The following ANO6 variants were observed in gnomAD, a reference collection of about 807,000 sequenced individuals.
ANO6 encodes anoctamin 6, also known as anoctamin-6.
A neutral mutation model predicts 117.5 loss-of-function variants in ANO6; 106 were observed. That is an observed-to-expected ratio of 0.90 (90% CI 0.77 to 1.06). The LOEUF is 1.06. ANO6 is among the 50% of genes least tolerant of loss of function. The pLI is 0.00. For missense variants in ANO6, 955 were observed against 1,121.1 expected (o/e 0.85, Z 2.12); for synonymous variants, 367 against 385.1 (o/e 0.95, Z 0.55).
intron 19 of ANO6, among the ~76,000 whole-genome samples, chr12:45,437,692 CCCTAGT>C (rs538072449): frequency 3.4e-4 from 52 of 152,048 alleles, no homozygotes; most frequent in Non-Finnish European, 6.6e-4. Flanking sequence ...GCCTCAGCCT[CCCTAGT>C]AGCTGGGATT....
At chr12:45,224,975 G>T (rs1198619789) in intron 1 of ANO6, among the ~76,000 whole-genome samples, 1 of 152,118 alleles carries the variant, frequency 6.6e-6, no homozygotes, top group Non-Finnish European at 1.5e-5. Context: ...AATATTGCTT[G>T]AGCGAAAGAG....
intron 1 of ANO6, among the ~76,000 whole-genome samples, chr12:45,218,788 T>A (rs1947353914): frequency 6.6e-6 from 1 of 152,210 alleles, no homozygotes; most frequent in Non-Finnish European, 1.5e-5. Context: ...CTGCCTTTAA[T>A]TTTGCAATGC....
intron 1 of ANO6, among the ~76,000 whole-genome samples, chr12:45,301,431 T>C (rs532098848): frequency 7.9e-5 from 12 of 151,408 alleles, no homozygotes; most frequent in Non-Finnish European, 1.8e-4. Flanking sequence ...CCCCTGTCTC[T>C]ACAAAAGAAA....
chr12:45,414,634 C>T, intron 16 of ANO6, among the ~76,000 whole-genome samples: 1 of 152,192 alleles, frequency 6.6e-6, no homozygotes, highest in African/African-American at 2.4e-5. Flanking sequence ...CATTATAATA[C>T]ACTCAATATC....
chr12:45,245,603 A>G (rs1056164654), intron 1 of ANO6, among the ~76,000 whole-genome samples: 3 of 151,832 alleles, frequency 2.0e-5, no homozygotes, highest in African/African-American at 7.3e-5. Flanking sequence ...TTATTTTCTG[A>G]TATTAGAATG....
chr12:45,244,324 C>T (rs919365613), intron 1 of ANO6, among the ~76,000 whole-genome samples: 1 of 149,654 alleles, frequency 6.7e-6, no homozygotes, highest in Non-Finnish European at 1.5e-5. Context: ...TTTGAGAAAC[C>T]GAACAGGTAG....
chr12:45,221,223 A>G (rs761275274), intron 1 of ANO6, among the ~76,000 whole-genome samples: 26 of 152,202 alleles, frequency 1.7e-4, no homozygotes, highest in Non-Finnish European at 3.5e-4. Context: ...ACATCTGGTG[A>G]TAAACGTATT....
At chr12:45,257,864 T>C (rs1223855719) in intron 1 of ANO6, among the ~76,000 whole-genome samples, 2 of 152,206 alleles carry the variant, frequency 1.3e-5, no homozygotes, top group African/African-American at 4.8e-5. Context: ...TATAAAAAGA[T>C]TGAAATGAAA....
At chr12:45,252,719 A>G (rs1360306208) in intron 1 of ANO6, among the ~76,000 whole-genome samples, 1 of 152,198 alleles carries the variant, frequency 6.6e-6, no homozygotes, top group African/African-American at 2.4e-5. Context: ...CTAAGGCTCA[A>G]AGTTAACAAC....
chr12:45,347,130 T>A, intron 4 of ANO6, 43 bp downstream of exon 4: 1 of 1,588,612 alleles, frequency 6.3e-7, no homozygotes, highest in East Asian at 2.2e-5. Context: ...ACCACTGTTC[T>A]CGGGCAGCTT....
In ANO6 at chr12:45,357,429, CCT is replaced by C; in HGVS notation, c.998+8_998+9del. 6.2e-7 allele frequency: 1 copy of C among 1,613,148 alleles called. No homozygotes were observed. Among genetic ancestry groups the C allele is most frequent in the Non-Finnish European group, 8.5e-7 (1 of 1,179,962 alleles). On this transcript the variant is annotated splice_donor_region_variant and intron_variant, in intron 8 of 19. Coordinates refer to ENST00000320560, the MANE Select transcript of ANO6 (RefSeq NM_001025356.3). ...TCAAGATAACTGTACATGGAGGTAA[CCT>C]CTGTTTATTCCTTGTTGCCATGCTG...
chr12:45,416,646 T>G, intron 16 of ANO6, 53 bp from the exon 17 acceptor site: 1 of 1,566,258 alleles, frequency 6.4e-7, no homozygotes. Flanking sequence ...AAGGAAAATA[T>G]GTTGTCCTTC....
At chr12:45,328,051 G>A (rs1019562008) in intron 2 of ANO6, among the ~76,000 whole-genome samples, 3 of 152,074 alleles carry the variant, frequency 2.0e-5, no homozygotes, top group Non-Finnish European at 4.4e-5. Context: ...ACCAAGGGAT[G>A]TTCTTGGAAC....
intron 1 of ANO6, among the ~76,000 whole-genome samples, chr12:45,219,168 A>G (rs1297148624): frequency 1.3e-5 from 2 of 152,134 alleles, no homozygotes; most frequent in African/African-American, 2.4e-5. Context: ...CTAATTTGCA[A>G]GAGACCTCCC....
chr12:45,394,415 C>A (rs1033267604), intron 12 of ANO6, among the ~76,000 whole-genome samples: 2 of 152,124 alleles, frequency 1.3e-5, no homozygotes, highest in African/African-American at 2.4e-5. Flanking sequence ...TTTAACACCC[C>A]ACTGTCAATA....
chr12:45,265,391 C>T (rs1233887167), intron 1 of ANO6, among the ~76,000 whole-genome samples: 1 of 152,142 alleles, frequency 6.6e-6, no homozygotes, highest in Admixed American at 6.5e-5. Flanking sequence ...GACCTATATA[C>T]CCTGGCTCCA....
chr12:45,329,777 T>C (rs1400399433), intron 2 of ANO6, among the ~76,000 whole-genome samples: 3 of 152,122 alleles, frequency 2.0e-5, no homozygotes, highest in African/African-American at 7.2e-5. Context: ...TTTTTCTCCA[T>C]GCACAATTTT....
At chr12:45,338,578 TAG>T (rs1172269891) in intron 3 of ANO6, among the ~76,000 whole-genome samples, 1 of 152,110 alleles carries the variant, frequency 6.6e-6, no homozygotes, top group African/African-American at 2.4e-5. Flanking sequence ...CTAAATATTT[TAG>T]ACTAAAGCAG....
chr12:45,425,533 G>A (rs190953603), intron 19 of ANO6, among the ~76,000 whole-genome samples: 2 of 152,350 alleles, frequency 1.3e-5, no homozygotes, highest in South Asian at 2.1e-4. Flanking sequence ...GCGAGAATGG[G>A]AGTAAGCTTT....
Sources: allele counts gnomAD v4.1 joint callset (sites outside exome capture counted in the v4.1 genomes callset), GRCh38; gene constraint gnomAD v4.1.1; transcripts MANE v1.5; gene names NCBI Gene and HGNC (gene_info 2026-07-23, HGNC 2026-07-21).